The following DPF3 variants were observed in gnomAD, a reference collection of about 807,000 sequenced individuals.
DPF3 encodes the protein double PHD fingers 3, also known as zinc finger protein DPF3.
A neutral mutation model predicts 56.8 loss-of-function variants in DPF3; 18 were observed. That is an observed-to-expected ratio of 0.32 (90% CI 0.22 to 0.47). The LOEUF (loss-of-function observed/expected upper bound fraction) is 0.47, where lower values mean the gene tolerates loss of function less well. Ranked by LOEUF, DPF3 falls within the 20% of genes least tolerant of loss-of-function variation. DPF3 has a pLI of 1.00. For synonymous variants in DPF3, 188 were observed against 180.2 expected (o/e 1.04, Z -0.35); for missense variants, 403 against 488.8 (o/e 0.82, Z 1.65).
rs576672567 is a variant in DPF3, at chr14:72,774,158, G to A, written c.33-2265C>T. On this transcript the variant is annotated intron_variant, in intron 1 of 10. Transcript: ENST00000556509. ...AAATTAGCTGGGCCTGGTGGCAGACGCCTGTAATCCCAGCTACTCAAGAGT... is the reference window on the plus strand; with the variant it reads ...AAATTAGCTGGGCCTGGTGGCAGACACCTGTAATCCCAGCTACTCAAGAGT... Among the ~76,000 whole-genome samples, 176 of 150,142 alleles carry A rather than the reference G, an allele frequency of 1.2e-3. 1 individual carries two copies. Among genetic ancestry groups the A allele is most frequent in the Non-Finnish European group, 1.7e-3 (115 of 67,858 alleles).
intron 3 of DPF3, among the ~76,000 whole-genome samples, chr14:72,741,792 A>G (rs1567218113): frequency 2.0e-5 from 3 of 152,252 alleles, no homozygotes; most frequent in African/African-American, 4.8e-5. Flanking sequence ...GCAGAGGTAC[A>G]GGTGAGCAGG....
intron 3 of DPF3, among the ~76,000 whole-genome samples, chr14:72,737,973 T>A (rs1460458010): frequency 1.3e-5 from 2 of 152,186 alleles, no homozygotes; most frequent in Non-Finnish European, 2.9e-5. Context: ...GGGTGCTTAT[T>A]ATATTGAGGA....
intron 8 of DPF3, chr14:72,670,773 T>C: frequency 2.9e-6 from 3 of 1,027,060 alleles, no homozygotes; most frequent in South Asian, 3.7e-5. Flanking sequence ...TGCCAATAAA[T>C]ATGAAAATTG....
chr14:72,766,008 T>C (rs1039167057), intron 2 of DPF3, among the ~76,000 whole-genome samples: 3 of 152,052 alleles, frequency 2.0e-5, no homozygotes, highest in Non-Finnish European at 4.4e-5. Flanking sequence ...GGTAGAGGCA[T>C]GGAGAAGCGC....
intron 5 of DPF3, among the ~76,000 whole-genome samples, chr14:72,718,455 G>A (rs1889023173): frequency 6.6e-6 from 1 of 152,138 alleles, no homozygotes; most frequent in Non-Finnish European, 1.5e-5. Context: ...AACGTGATCT[G>A]CCTTGTTCAC....
chr14:72,702,142 G>T (rs372369151), intron 6 of DPF3, among the ~76,000 whole-genome samples: 1 of 152,142 alleles, frequency 6.6e-6, no homozygotes, highest in African/African-American at 2.4e-5. Context: ...TGAAAGGTGC[G>T]CTGGTGAGTC....
At chr14:72,726,116 G>C (rs1017240926) in intron 4 of DPF3, among the ~76,000 whole-genome samples, 2 of 152,204 alleles carry the variant, frequency 1.3e-5, no homozygotes, top group Non-Finnish European at 2.9e-5. Context: ...CTGAGACAGT[G>C]ACAGGTCAAA....
chr14:72,793,007 C>G (rs1360894498), intron 1 of DPF3, among the ~76,000 whole-genome samples: 1 of 152,124 alleles, frequency 6.6e-6, no homozygotes, highest in African/African-American at 2.4e-5. Flanking sequence ...TTTGAATGCT[C>G]TCACTCCAAT....
intron 8 of DPF3, among the ~76,000 whole-genome samples, chr14:72,644,679 T>C (rs1885663258): frequency 6.6e-6 from 1 of 152,214 alleles, no homozygotes; most frequent in Admixed American, 6.5e-5. Flanking sequence ...CCTTTCCTGG[T>C]ACTTTGTAAG....
intron 2 of DPF3, among the ~76,000 whole-genome samples, chr14:72,760,976 A>G (rs916650260): frequency 2.6e-5 from 4 of 152,138 alleles, no homozygotes; most frequent in Admixed American, 6.5e-5. Context: ...TAATATTAAT[A>G]GAGATTAAGA....
In DPF3 at chr14:72,686,443, A is replaced by G. The variant is rs1017714885; in HGVS notation, c.742+6633T>C. 3.9e-5 allele frequency among the ~76,000 whole-genome samples: 6 copies of G among 152,244 alleles called. No individual in the cohort carries two copies. The South Asian group carries it at 1.2e-3, about 32-fold the overall frequency. ...TTTATAGATGAGGCAACTAAGAAGC[A>G]GAAGTGTAGGTAAGTGGCCCACATT... is the stretch of plus-strand genomic sequence containing the variant. On this transcript the variant is annotated intron_variant, in intron 7 of 10. Coordinates refer to ENST00000556509, the MANE Select transcript of DPF3 (RefSeq NM_001280542.3).
intron 8 of DPF3, among the ~76,000 whole-genome samples, chr14:72,650,527 A>G (rs143402048): frequency 6.6e-6 from 1 of 152,244 alleles, no homozygotes; most frequent in East Asian, 1.9e-4. Context: ...TCTCTGTTAG[A>G]CAAGCTCTAG....
intron 1 of DPF3, among the ~76,000 whole-genome samples, chr14:72,797,918 A>G (rs1486625578): frequency 6.6e-6 from 1 of 152,152 alleles, no homozygotes; most frequent in South Asian, 2.1e-4. Flanking sequence ...GTTGTAGCAA[A>G]TAAGACAGCA....
chr14:72,800,750 A>G (rs61986308), intron 1 of DPF3, among the ~76,000 whole-genome samples: 1 of 27,254 alleles, frequency 3.7e-5, no homozygotes, highest in Non-Finnish European at 7.9e-5. Flanking sequence ...GGATGCATGG[A>G]TGGGTGCATG....
rs1168903523 is a variant in DPF3 at position 72,616,212 on chromosome 14, G to T, written c.*3085C>A. Among the ~76,000 whole-genome samples the T allele has an allele frequency of 1.3e-5, 2 of 152,180 alleles. No individual in the cohort carries two copies. The highest frequency in any genetic ancestry group is 2.9e-5 in the Non-Finnish European group (2 of 68,030). ...AGAGAGTTGAAGTCATTGGCCCAAGGTCAGTCAGCTAGAAAGTGGCAGTGT... is the reference window on the plus strand; with the variant it reads ...AGAGAGTTGAAGTCATTGGCCCAAGTTCAGTCAGCTAGAAAGTGGCAGTGT... On this transcript the variant is annotated 3_prime_UTR_variant, in exon 11 of 11. Transcript: ENST00000556509.
chr14:72,875,759 G>A (rs1460834655), intron 1 of DPF3, among the ~76,000 whole-genome samples: 1 of 128,898 alleles, frequency 7.8e-6, no homozygotes, highest in East Asian at 2.1e-4. Flanking sequence ...ACTAGGCCCA[G>A]GGCATTTCTG....
rs1157804011 is a variant in DPF3, at chr14:72,731,817, T to C, written c.419A>G (p.Gln140Arg). The change falls in exon 4 of 11, where the codon CAG becomes CGG. Residue 140 changes from glutamine to arginine, a missense_variant. Gln to Arg is a conservative substitution (Grantham distance 43, BLOSUM62 1). Transcript: ENST00000556509. ...KVDAREEESI[Q>R]EIQRVLENDE... Reference sequence around the variant, plus strand: ...CAGGTGTGGGAATACCTGTATTTCCTGGATGCTTTCCTCCTCCCTGGCATC... The same window carrying C: ...CAGGTGTGGGAATACCTGTATTTCCCGGATGCTTTCCTCCTCCCTGGCATC... The C allele has an allele frequency of 1.2e-6, 2 of 1,613,572 alleles. No homozygotes were observed. Among genetic ancestry groups the C allele is most frequent in the Admixed American group, 1.7e-5 (1 of 59,990 alleles).
At chr14:72,788,418 G>A (rs1892297522) in intron 1 of DPF3, among the ~76,000 whole-genome samples, 1 of 151,834 alleles carries the variant, frequency 6.6e-6, no homozygotes, top group Non-Finnish European at 1.5e-5. Context: ...GGAAGGGGAA[G>A]AGGAGGAGGA....
intron 8 of DPF3, chr14:72,671,488 A>AAT: frequency 8.9e-7 from 1 of 1,129,692 alleles, no homozygotes; most frequent in Non-Finnish European, 1.3e-6. Context: ...TCACCTGGTG[A>AAT]CGGGGATTTG....
Sources: gnomAD v4.1 joint callset for allele counts (sites outside exome capture counted in the v4.1 genomes callset) on GRCh38, gnomAD v4.1.1 for gene constraint, MANE v1.5 for transcripts, NCBI Gene and HGNC (gene_info 2026-07-23, HGNC 2026-07-21) for gene names.